Variants in ZNF385D observed in about 807,000 individuals in gnomAD.
ZNF385D encodes zinc finger protein 385D.
A neutral mutation model predicts 35.8 loss-of-function variants in ZNF385D; 15 were observed. The observed-to-expected ratio is 0.42, with a 90% CI of 0.28 to 0.64. The LOEUF (loss-of-function observed/expected upper bound fraction) is 0.64. Among genes scored for constraint, ZNF385D ranks in the 30% least tolerant of loss-of-function variants. The pLI is 0.23. For missense variants in ZNF385D, 474 were observed against 494.6 expected, an observed-to-expected ratio of 0.96 and a Z score of 0.39; for synonymous variants, 212 against 186.8, an observed-to-expected ratio of 1.13 and a Z score of -1.10.
At chr3:22,321,435 G>A (rs568397003) in intron 2 of ZNF385D, among the ~76,000 whole-genome samples, 31 of 151,742 alleles carry the variant, frequency 2.0e-4, no homozygotes, top group African/African-American at 3.6e-4. Flanking sequence ...GCGTGATCTC[G>A]GCTCACTGCA....
chr3:21,982,455 G>C (rs1020526444), intron 3 of ZNF385D, among the ~76,000 whole-genome samples: 4 of 152,138 alleles, frequency 2.6e-5, no homozygotes, highest in African/African-American at 9.7e-5. Flanking sequence ...CTTTGCTGAA[G>C]TTGTTTATCA....
chr3:22,080,307 T>A (rs1267149844), intron 3 of ZNF385D, among the ~76,000 whole-genome samples: 1 of 152,144 alleles, frequency 6.6e-6, no homozygotes, highest in Non-Finnish European at 1.5e-5. Flanking sequence ...GAGACTTTAA[T>A]GCATAAATGA....
At chr3:21,612,898 A>G (rs953332111) in intron 2 of ZNF385D, among the ~76,000 whole-genome samples, 1 of 152,166 alleles carries the variant, frequency 6.6e-6, no homozygotes, top group African/African-American at 2.4e-5. Context: ...AGAAATTTTC[A>G]CAGTCCTAGG....
chr3:21,466,338 G>T lies in ZNF385D; in HGVS notation c.440-29135C>A, dbSNP rs1703514843. On this transcript the variant is annotated intron_variant, in intron 4 of 7. Transcript: ENST00000281523. ...ACATCCACTTTGCTCTAGTCATATT[G>T]AAGTTTATTCTTTTCCTTGAAAAGA... is the stretch of plus-strand genomic sequence containing the variant. Among the ~76,000 whole-genome samples, 4 of 152,018 alleles carry T rather than the reference G, an allele frequency of 2.6e-5. 1 individual carries two copies. In the South Asian group the frequency reaches 8.3e-4, roughly 31 times the overall value.
At chr3:21,444,462 G>A (rs1291936902) in intron 4 of ZNF385D, among the ~76,000 whole-genome samples, 1 of 144,630 alleles carries the variant, frequency 6.9e-6, no homozygotes, top group Non-Finnish European at 1.5e-5. Flanking sequence ...CCGGCTCACT[G>A]CAAGCTCCAT....
At chr3:21,971,641 T>C (rs1336704907) in intron 3 of ZNF385D, among the ~76,000 whole-genome samples, 1 of 149,942 alleles carries the variant, frequency 6.7e-6, no homozygotes, top group African/African-American at 2.5e-5. Context: ...GTAAACAGAC[T>C]AAACTCTCAA....
At chr3:22,254,487 T>C (rs1700215556) in intron 2 of ZNF385D, among the ~76,000 whole-genome samples, 1 of 151,842 alleles carries the variant, frequency 6.6e-6, no homozygotes, top group Non-Finnish European at 1.5e-5. Flanking sequence ...TCAGTGTTAT[T>C]TTTCTATTTC....
intron 6 of ZNF385D, 62 bp downstream of exon 6, chr3:21,425,430 A>G: frequency 6.9e-7 from 1 of 1,452,346 alleles, no homozygotes; most frequent in Non-Finnish European, 9.2e-7. Flanking sequence ...AAGGAAGCAC[A>G]CACATCCTGC....
rs111752249 is a variant in ZNF385D at position 22,102,629 on chromosome 3, G to C, written c.325+66188C>G. On this transcript the variant is annotated intron_variant, in intron 3 of 5. Transcript: ENST00000494108. ...GGCAGAGATGAGAAAAATATACATC[G>C]ACAATAGGACATATTGATGACTGGG... is the stretch of plus-strand genomic sequence containing the variant. 2.0e-5 allele frequency among the ~76,000 whole-genome samples: 3 copies of C among 152,026 alleles called. No homozygotes were observed. In the East Asian group the frequency reaches 5.8e-4, roughly 29 times the overall value.
At chr3:21,759,253 C>T (rs944736674) in intron 3 of ZNF385D, among the ~76,000 whole-genome samples, 1 of 152,020 alleles carries the variant, frequency 6.6e-6, no homozygotes, top group Non-Finnish European at 1.5e-5. Flanking sequence ...AACTTAAGCC[C>T]TGTCTTTAAT....
rs79124583 is a variant in ZNF385D, at chr3:22,056,491, T to G, written c.325+112326A>C. 6.9e-3 allele frequency among the ~76,000 whole-genome samples: 1,054 copies of G among 152,238 alleles called. 6 individuals carry two copies. Among genetic ancestry groups the G allele is most frequent in the African/African-American group, 0.024 (987 of 41,542 alleles). Reference sequence around the variant, plus strand: ...ACCCAAGATAAAACTGTAGTGAGTATTAGGATCCATGACCCGTTATAGGGT... The same window carrying G: ...ACCCAAGATAAAACTGTAGTGAGTAGTAGGATCCATGACCCGTTATAGGGT... On this transcript the variant is annotated intron_variant, in intron 3 of 5. Transcript: ENST00000494108.
chr3:22,260,786 AAT>A (rs1234187971), intron 2 of ZNF385D, among the ~76,000 whole-genome samples: 29 of 152,152 alleles, frequency 1.9e-4, no homozygotes, highest in African/African-American at 7.0e-4. Flanking sequence ...TTAAACATGG[AAT>A]ATGATATTCC....
intron 1 of ZNF385D, among the ~76,000 whole-genome samples, chr3:21,669,719 G>C (rs1413980903): frequency 6.6e-6 from 1 of 152,158 alleles, no homozygotes. Context: ...CACCACATGA[G>C]AAATATATTT....
At chr3:21,969,396 T>C (rs540669028) in intron 3 of ZNF385D, among the ~76,000 whole-genome samples, 1 of 152,280 alleles carries the variant, frequency 6.6e-6, no homozygotes, top group African/African-American at 2.4e-5. Flanking sequence ...GGCTCATCCC[T>C]CTTTGCTCGG....
At chr3:21,608,012 C>CTTCTTTTTTTTTTTTTTTTTTTTTTTTT (rs2064536095) in intron 2 of ZNF385D, among the ~76,000 whole-genome samples, 8 of 123,970 alleles carry the variant, frequency 6.5e-5, no homozygotes, top group African/African-American at 2.5e-4. Context: ...TCTTTTTCTT[C>CTTCTTTTTTTTTTTTTTTTTTTTTTTTT]TTTTTTTTTT....
At chr3:21,699,468 C>T (rs2067593832) in intron 1 of ZNF385D, among the ~76,000 whole-genome samples, 1 of 151,670 alleles carries the variant, frequency 6.6e-6, no homozygotes, top group Non-Finnish European at 1.5e-5. Context: ...GCACATGTAT[C>T]CCAGAACTTA....
At chr3:21,859,888 AT>A (rs1350066194) in intron 3 of ZNF385D, among the ~76,000 whole-genome samples, 2 of 152,082 alleles carry the variant, frequency 1.3e-5, no homozygotes, top group East Asian at 3.9e-4. Context: ...AGATTCATGC[AT>A]TATGTATGCC....
At chr3:22,020,146 T>G (rs1365083877) in intron 3 of ZNF385D, among the ~76,000 whole-genome samples, 1 of 151,892 alleles carries the variant, frequency 6.6e-6, no homozygotes, top group Non-Finnish European at 1.5e-5. Flanking sequence ...TGGATACTAT[T>G]GTAACAATTC....
intron 3 of ZNF385D, among the ~76,000 whole-genome samples, chr3:22,138,864 A>G (rs1472362696): frequency 1.3e-5 from 2 of 152,074 alleles, no homozygotes; most frequent in Non-Finnish European, 2.9e-5. Flanking sequence ...AGAAACTACC[A>G]TCAGAGTGAA....
Sources: allele counts gnomAD v4.1 joint callset (sites outside exome capture counted in the v4.1 genomes callset), GRCh38; gene constraint gnomAD v4.1.1; transcripts MANE v1.5; gene names NCBI Gene and HGNC (gene_info 2026-07-23, HGNC 2026-07-21).